Variants in NKAIN3 observed in about 807,000 individuals in gnomAD.
The protein encoded by NKAIN3 is sodium/potassium-transporting ATPase subunit beta-1-interacting protein 3.
A neutral mutation model predicts 30.2 loss-of-function variants in NKAIN3; 25 were observed. The ratio of observed to expected loss-of-function variants is 0.83; its 90% CI spans 0.60 to 1.16. The LOEUF (loss-of-function observed/expected upper bound fraction) is 1.16. NKAIN3 is among the 50% of genes most tolerant of loss of function. The pLI is 0.00. For synonymous variants in NKAIN3, 91 were observed against 89.6 expected, an observed-to-expected ratio of 1.02 and a Z score of -0.09; for missense variants, 225 against 254.1, an observed-to-expected ratio of 0.89 and a Z score of 0.78.
chr8:62,314,877 C>T (rs1243200991), intron 1 of NKAIN3, among the ~76,000 whole-genome samples: 3 of 152,074 alleles, frequency 2.0e-5, no homozygotes, highest in African/African-American at 7.2e-5. Flanking sequence ...AAACACTGAA[C>T]CTAATATTCT....
At chr8:62,345,591 A>G (rs1438453746) in intron 1 of NKAIN3, among the ~76,000 whole-genome samples, 3 of 146,992 alleles carry the variant, frequency 2.0e-5, no homozygotes, top group African/African-American at 7.4e-5. Context: ...GTATATACAC[A>G]CATATATACA....
chr8:62,925,736 G>T (rs559900036), intron 5 of NKAIN3, among the ~76,000 whole-genome samples: 1 of 152,262 alleles, frequency 6.6e-6, no homozygotes, highest in South Asian at 2.1e-4. Flanking sequence ...ATGCTTTTGG[G>T]TGGGGGTGAT....
At chr8:62,888,615 G>A (rs1394993376) in intron 4 of NKAIN3, among the ~76,000 whole-genome samples, 2 of 152,122 alleles carry the variant, frequency 1.3e-5, no homozygotes, top group Non-Finnish European at 2.9e-5. Flanking sequence ...AGTTTTTCTA[G>A]CTTTTATTGT....
At chr8:62,907,201 T>A (rs2130845055) in intron 4 of NKAIN3, among the ~76,000 whole-genome samples, 1 of 152,246 alleles carries the variant, frequency 6.6e-6, no homozygotes, top group Non-Finnish European at 1.5e-5. Context: ...TTGAGAGAGA[T>A]AATTTAGGGT....
chr8:62,903,325 T>G (rs1003602288), intron 4 of NKAIN3, among the ~76,000 whole-genome samples: 6 of 152,152 alleles, frequency 3.9e-5, no homozygotes, highest in African/African-American at 1.4e-4. Flanking sequence ...AATTCTGGAT[T>G]CCTGAAGGAA....
intron 3 of NKAIN3, among the ~76,000 whole-genome samples, chr8:62,708,471 A>AT (rs1189399065): frequency 2.6e-5 from 4 of 151,670 alleles, no homozygotes; most frequent in African/African-American, 9.7e-5. Flanking sequence ...TAATTATTTT[A>AT]TTTTTTGCAG....
intron 3 of NKAIN3, among the ~76,000 whole-genome samples, chr8:62,617,544 G>A (rs1811494980): frequency 6.6e-6 from 1 of 152,144 alleles, no homozygotes. Context: ...AGGACTGCTG[G>A]GTACCAGGCA....
At chr8:62,587,871 G>A (rs955242433) in intron 2 of NKAIN3, among the ~76,000 whole-genome samples, 5 of 151,974 alleles carry the variant, frequency 3.3e-5, no homozygotes, top group Admixed American at 6.6e-5. Flanking sequence ...ACTTGTGAGA[G>A]ATCCTGAATA....
chr8:62,483,032 C>T (rs1365580534), intron 1 of NKAIN3: 1 of 152,208 alleles, frequency 6.6e-6, no homozygotes, highest in East Asian at 1.9e-4. Context: ...GACACCAGAG[C>T]CGTCTCTTCT....
chr8:62,606,700 T>C (rs1408165752), intron 3 of NKAIN3, among the ~76,000 whole-genome samples: 1 of 152,190 alleles, frequency 6.6e-6, no homozygotes, highest in Non-Finnish European at 1.5e-5. Flanking sequence ...AGTTTGTAGA[T>C]ATAATTCATC....
At chr8:62,439,012 A>G (rs1361887801) in intron 1 of NKAIN3, among the ~76,000 whole-genome samples, 2 of 152,204 alleles carry the variant, frequency 1.3e-5, no homozygotes, top group Non-Finnish European at 2.9e-5. Flanking sequence ...TAAGTAGAGC[A>G]TGACACAACT....
At chr8:62,553,432 T>C (rs1809280121) in intron 1 of NKAIN3, among the ~76,000 whole-genome samples, 3 of 152,196 alleles carry the variant, frequency 2.0e-5, no homozygotes, top group Admixed American at 2.0e-4. Flanking sequence ...AAATAGAAGC[T>C]GATCTAGGCC....
At chr8:62,504,196 G>A (rs1180060119) in intron 1 of NKAIN3, among the ~76,000 whole-genome samples, 4 of 152,012 alleles carry the variant, frequency 2.6e-5, no homozygotes, top group Admixed American at 1.3e-4. Flanking sequence ...TTGAATCTGA[G>A]GTGGAACAGT....
intron 4 of NKAIN3, among the ~76,000 whole-genome samples, chr8:62,916,775 C>T (rs1297996558): frequency 1.3e-5 from 2 of 152,058 alleles, no homozygotes; most frequent in South Asian, 2.1e-4. Flanking sequence ...TCTGCGTTAT[C>T]GTGGGGATGA....
intron 4 of NKAIN3, among the ~76,000 whole-genome samples, chr8:62,858,024 C>T (rs1820112945): frequency 8.3e-6 from 1 of 119,810 alleles, no homozygotes; most frequent in Middle Eastern, 4.0e-3. Context: ...GGGGTTCTCA[C>T]AGGGATTTTT....
chr8:62,770,786 A>T (rs997981075), intron 4 of NKAIN3, among the ~76,000 whole-genome samples: 2 of 143,878 alleles, frequency 1.4e-5, no homozygotes, highest in African/African-American at 2.6e-5. Context: ...AAGCAGAATT[A>T]AAAAAAAAAA....
intron 3 of NKAIN3, among the ~76,000 whole-genome samples, chr8:62,727,714 T>G (rs1815304697): frequency 6.6e-6 from 1 of 152,152 alleles, no homozygotes; most frequent in Admixed American, 6.5e-5. Context: ...AATGGAGAGA[T>G]ATTTCATGTT....
At chr8:62,324,663 GA>G (rs1296117572) in intron 1 of NKAIN3, among the ~76,000 whole-genome samples, 7 of 152,040 alleles carry the variant, frequency 4.6e-5, no homozygotes, top group Non-Finnish European at 1.5e-5. Flanking sequence ...AAATTGCCAG[GA>G]AAAGCAGAAA....
downstream of NKAIN3, among the ~76,000 whole-genome samples, chr8:62,987,394 T>A (rs374548300): frequency 4.6e-5 from 7 of 152,074 alleles, no homozygotes; most frequent in African/African-American, 1.7e-4. Flanking sequence ...TAGGCTGTTT[T>A]CACACTGCTA....
Sources: allele counts gnomAD v4.1 joint callset (sites outside exome capture counted in the v4.1 genomes callset), GRCh38; gene constraint gnomAD v4.1.1; transcripts MANE v1.5; gene names NCBI Gene and HGNC (gene_info 2026-07-23, HGNC 2026-07-21).